SOX5: variants seen among roughly 807,000 people sequenced by gnomAD.
The protein encoded by SOX5 is SRY-box transcription factor 5.
SOX5 carries 9 observed loss-of-function variants against 92.0 expected under a neutral mutation model. The observed-to-expected ratio is 0.10, with a 90% CI of 0.06 to 0.17. The LOEUF is 0.17. Among genes scored for constraint, SOX5 ranks in the 10% least tolerant of loss-of-function variants. The pLI is 1.00. For synonymous variants in SOX5, 344 were observed against 336.3 expected, an observed-to-expected ratio of 1.02 and a Z score of -0.25; for missense variants, 642 against 944.5, an observed-to-expected ratio of 0.68 and a Z score of 4.20.
At chr12:24,110,509 G>C (rs920520704) in intron 4 of SOX5, among the ~76,000 whole-genome samples, 8 of 152,136 alleles carry the variant, frequency 5.3e-5, no homozygotes, top group African/African-American at 1.7e-4. Flanking sequence ...CAGATATATA[G>C]GGAAATGCTG....
chr12:24,272,626 T>A (rs946734108), intron 3 of SOX5, among the ~76,000 whole-genome samples: 28 of 152,230 alleles, frequency 1.8e-4, no homozygotes, highest in Non-Finnish European at 1.5e-4. Context: ...GAAATGATCA[T>A]ATGACTGTTT....
intron 4 of SOX5, among the ~76,000 whole-genome samples, chr12:24,152,437 T>C (rs1371207528): frequency 6.6e-6 from 1 of 152,166 alleles, no homozygotes; most frequent in Non-Finnish European, 1.5e-5. Flanking sequence ...GAGTGAGTCA[T>C]ACATCTTAGC....
intron 2 of SOX5, among the ~76,000 whole-genome samples, chr12:24,320,889 T>C (rs1201568231): frequency 6.6e-6 from 1 of 150,840 alleles, no homozygotes; most frequent in African/African-American, 2.4e-5. Context: ...ATAATAATAA[T>C]AATAATAATA....
intron 3 of SOX5, among the ~76,000 whole-genome samples, chr12:23,786,286 T>A (rs1046972033): frequency 4.6e-5 from 7 of 151,986 alleles, no homozygotes. Context: ...GGTAATAGAT[T>A]TTAGGCAGTA....
upstream of SOX5, among the ~76,000 whole-genome samples, chr12:23,953,879 G>T (rs772392342): frequency 6.6e-6 from 1 of 151,976 alleles, no homozygotes; most frequent in Admixed American, 6.6e-5. Flanking sequence ...AAAATGGAAT[G>T]AACATGAAAA....
intron 1 of SOX5, among the ~76,000 whole-genome samples, chr12:23,921,904 C>G (rs985715796): frequency 6.6e-6 from 1 of 152,170 alleles, no homozygotes; most frequent in African/African-American, 2.4e-5. Context: ...CCCTGCCACT[C>G]CATTACTAAT....
chr12:23,857,704 G>A lies in SOX5; in HGVS notation c.271-11511C>T, dbSNP rs912405968. On this transcript the variant is annotated intron_variant, in intron 2 of 14. Transcript: ENST00000451604. ...ACTCTATACACAATGTGTGATAATCGATGACAGTGTACTTAGGAAGTTTTT... is the reference window on the plus strand; with the variant it reads ...ACTCTATACACAATGTGTGATAATCAATGACAGTGTACTTAGGAAGTTTTT... 7.9e-5 allele frequency among the ~76,000 whole-genome samples: 12 copies of A among 151,708 alleles called. No individual in the cohort carries two copies. In the South Asian group the frequency reaches 1.2e-3, roughly 16 times the overall value.
At chr12:24,041,166 C>G (rs1956486383) in intron 4 of SOX5, among the ~76,000 whole-genome samples, 1 of 152,084 alleles carries the variant, frequency 6.6e-6, no homozygotes, top group Non-Finnish European at 1.5e-5. Flanking sequence ...ATCCCAAATA[C>G]CAGTTTTGAT....
At chr12:24,199,187 T>C (rs1018793731) in intron 4 of SOX5, among the ~76,000 whole-genome samples, 1 of 152,106 alleles carries the variant, frequency 6.6e-6, no homozygotes, top group Non-Finnish European at 1.5e-5. Context: ...CCAGCAGGGA[T>C]GGATGCCCAT....
chr12:23,950,576 A>G (rs1165716825), upstream of SOX5, among the ~76,000 whole-genome samples: 1 of 152,196 alleles, frequency 6.6e-6, no homozygotes, highest in East Asian at 1.9e-4. Flanking sequence ...ATCAAAACAT[A>G]AAAACAAAAA....
chr12:24,023,993 T>C (rs1373859621), intron 4 of SOX5, among the ~76,000 whole-genome samples: 7 of 152,058 alleles, frequency 4.6e-5, no homozygotes, highest in South Asian at 4.1e-4. Context: ...GGTAGAACCA[T>C]GCTTTTGAAA....
intron 6 of SOX5, among the ~76,000 whole-genome samples, chr12:23,667,797 T>C (rs2084065056): frequency 6.6e-6 from 1 of 152,180 alleles, no homozygotes; most frequent in African/African-American, 2.4e-5. Flanking sequence ...TAGAACAGAC[T>C]GTAGAGTACT....
At chr12:24,495,041 A>G (rs1947476921) in intron 1 of SOX5, among the ~76,000 whole-genome samples, 1 of 152,130 alleles carries the variant, frequency 6.6e-6, no homozygotes, top group Admixed American at 6.5e-5. Context: ...AACTATAACT[A>G]CTTTTGTTAT....
intron 4 of SOX5, among the ~76,000 whole-genome samples, chr12:24,041,484 T>G (rs572443388): frequency 2.0e-5 from 3 of 152,274 alleles, no homozygotes; most frequent in Admixed American, 2.0e-4. Flanking sequence ...AAAAAGCATT[T>G]GGATTCTTAT....
intron 1 of SOX5, among the ~76,000 whole-genome samples, chr12:24,561,418 G>C (rs1028940228): frequency 2.0e-5 from 3 of 152,202 alleles, no homozygotes; most frequent in Non-Finnish European, 4.4e-5. Context: ...AATAAAATAT[G>C]TAAACAGTGC....
chr12:24,195,876 ATGTGTGTGTGTC>A (rs1409492202), intron 4 of SOX5, among the ~76,000 whole-genome samples: 1 of 150,552 alleles, frequency 6.6e-6, no homozygotes, highest in East Asian at 1.9e-4. Flanking sequence ...AACTCTGTGC[ATGTGTGTGTGTC>A]TGTGTGTGTG....
chr12:24,399,094 C>G (rs1960837299), intron 1 of SOX5, among the ~76,000 whole-genome samples: 1 of 152,120 alleles, frequency 6.6e-6, no homozygotes, highest in Non-Finnish European at 1.5e-5. Context: ...CCAATGCCAC[C>G]CCAAAACATG....
At chr12:24,459,595 G>A (rs551141583) in intron 1 of SOX5, among the ~76,000 whole-genome samples, 1 of 152,142 alleles carries the variant, frequency 6.6e-6, no homozygotes, top group South Asian at 2.1e-4. Flanking sequence ...TGGGTTCCTG[G>A]AGACATTAAG....
chr12:23,814,026 GA>G (rs1293462895), intron 3 of SOX5, among the ~76,000 whole-genome samples: 1 of 152,066 alleles, frequency 6.6e-6, no homozygotes, highest in Admixed American at 6.6e-5. Flanking sequence ...GAGAATTTAA[GA>G]GTATTAAAAT....
Sources: gnomAD v4.1 joint callset for allele counts (sites outside exome capture counted in the v4.1 genomes callset) on GRCh38, gnomAD v4.1.1 for gene constraint, MANE v1.5 for transcripts, NCBI Gene and HGNC (gene_info 2026-07-23, HGNC 2026-07-21) for gene names.